Variants in NELL1 observed in about 807,000 individuals in gnomAD.
NELL1 encodes neural EGFL like 1.
Under a neutral mutation model 107.4 loss-of-function variants are expected in NELL1, and 76 were observed. That is an observed-to-expected ratio of 0.71 (90% CI 0.59 to 0.86). The LOEUF (loss-of-function observed/expected upper bound fraction) is 0.86, where lower values mean the gene tolerates loss of function less well. Ranked by LOEUF, NELL1 falls within the 40% of genes least tolerant of loss-of-function variation. NELL1 has a pLI of 0.00. For missense variants in NELL1, 1,024 were observed against 1,005.5 expected (o/e 1.02, Z -0.25); for synonymous variants, 353 against 341.2 (o/e 1.03, Z -0.38).
At chr11:20,719,507 T>A (rs1389601443) in intron 2 of NELL1, among the ~76,000 whole-genome samples, 2 of 151,956 alleles carry the variant, frequency 1.3e-5, no homozygotes, top group African/African-American at 2.4e-5. Flanking sequence ...CTAGAAAAAA[T>A]TTGTGATTTA....
At chr11:20,951,622 A>C (rs974704861) in intron 11 of NELL1, among the ~76,000 whole-genome samples, 1 of 152,188 alleles carries the variant, frequency 6.6e-6, no homozygotes, top group African/African-American at 2.4e-5. Flanking sequence ...CAGGGGGTTT[A>C]ATCCACAGGG....
chr11:21,187,693 T>A (rs929280115), intron 13 of NELL1, among the ~76,000 whole-genome samples: 2 of 151,840 alleles, frequency 1.3e-5, no homozygotes, highest in African/African-American at 4.9e-5. Flanking sequence ...ATAGACATCC[T>A]GTGTCTGCCC....
intron 15 of NELL1, among the ~76,000 whole-genome samples, chr11:21,466,020 G>A (rs992376369): frequency 7.2e-5 from 11 of 152,070 alleles, no homozygotes; most frequent in Admixed American, 3.3e-4. Context: ...GATGCAAAGC[G>A]CTCTTAGAAT....
intron 5 of NELL1, among the ~76,000 whole-genome samples, chr11:20,892,255 C>T (rs933967847): frequency 6.6e-6 from 1 of 152,128 alleles, no homozygotes; most frequent in African/African-American, 2.4e-5. Context: ...CAATGTGCTC[C>T]TGAATTACTC....
At chr11:21,150,180 C>T (rs1856082446) in intron 13 of NELL1, among the ~76,000 whole-genome samples, 1 of 152,124 alleles carries the variant, frequency 6.6e-6, no homozygotes, top group South Asian at 2.1e-4. Flanking sequence ...GTTCCTTGAA[C>T]TGAAAGGAGG....
chr11:21,111,803 A>G (rs1353640973), intron 12 of NELL1, among the ~76,000 whole-genome samples: 2 of 152,114 alleles, frequency 1.3e-5, no homozygotes, highest in African/African-American at 4.8e-5. Flanking sequence ...CAGAGAGTGG[A>G]AAACTGGTAA....
intron 5 of NELL1, among the ~76,000 whole-genome samples, chr11:20,907,481 T>G (rs1443138648): frequency 6.6e-6 from 1 of 151,988 alleles, no homozygotes; most frequent in African/African-American, 2.4e-5. Flanking sequence ...ACTCAACATC[T>G]TTAGTCATTA....
intron 15 of NELL1, among the ~76,000 whole-genome samples, chr11:21,528,082 C>A (rs565348454): frequency 1.2e-4 from 19 of 152,178 alleles, no homozygotes; most frequent in Non-Finnish European, 2.2e-4. Context: ...AATGCACAGT[C>A]CTTTCATTTT....
intron 15 of NELL1, among the ~76,000 whole-genome samples, chr11:21,375,680 T>C (rs1184697416): frequency 6.6e-6 from 1 of 152,114 alleles, no homozygotes; most frequent in Non-Finnish European, 1.5e-5. Context: ...AATGTATAAG[T>C]GTTCCCTTTT....
At chr11:21,480,985 C>A (rs960698369) in intron 15 of NELL1, among the ~76,000 whole-genome samples, 19 of 152,260 alleles carry the variant, frequency 1.2e-4, no homozygotes, top group Admixed American at 1.2e-3. Context: ...AGTCACTTAA[C>A]CGGATTACTA....
intron 13 of NELL1, among the ~76,000 whole-genome samples, chr11:21,119,386 G>GAAAA (rs5790163): frequency 2.3e-5 from 3 of 129,140 alleles, no homozygotes; most frequent in African/African-American, 2.9e-5. Flanking sequence ...GCTAAAAATT[G>GAAAA]AAAAAAAAAA....
At chr11:20,997,308 TA>T (rs1214146346) in intron 12 of NELL1, among the ~76,000 whole-genome samples, 1 of 152,142 alleles carries the variant, frequency 6.6e-6, no homozygotes, top group Non-Finnish European at 1.5e-5. Flanking sequence ...TTAGGCATCA[TA>T]AAAAAGCTAA....
chr11:21,061,328 G>A (rs1590597635), intron 12 of NELL1, among the ~76,000 whole-genome samples: 1 of 152,150 alleles, frequency 6.6e-6, no homozygotes, highest in Non-Finnish European at 1.5e-5. Context: ...GAATTGACTG[G>A]AGTGGAGTGA....
At chr11:21,263,746 C>T (rs553843187) in intron 14 of NELL1, among the ~76,000 whole-genome samples, 1 of 151,972 alleles carries the variant, frequency 6.6e-6, no homozygotes, top group African/African-American at 2.4e-5. Context: ...TCCCATGGTG[C>T]AAAACAAATT....
In NELL1 at chr11:21,462,969, C is replaced by T. The variant is rs74974722; in HGVS notation, c.1646-71405C>T. 0.018 allele frequency among the ~76,000 whole-genome samples: 2,700 copies of T among 151,912 alleles called. 201 individuals carry two copies. In the East Asian group the frequency reaches 0.22, roughly 13 times the overall value. On this transcript the variant is annotated intron_variant, in intron 15 of 19. Transcript: ENST00000357134. ...GGACTTGTCAAGGCAAAAGGAACAC[C>T]AAGAAAAAAATGTGGCCAGGAAAGC... is the stretch of plus-strand genomic sequence containing the variant.
At chr11:21,354,791 A>G (rs1450634740) in intron 14 of NELL1, among the ~76,000 whole-genome samples, 2 of 152,200 alleles carry the variant, frequency 1.3e-5, no homozygotes, top group Non-Finnish European at 2.9e-5. Flanking sequence ...ATGTAATTCC[A>G]TGCAGTTATA....
intron 16 of NELL1, among the ~76,000 whole-genome samples, chr11:21,557,006 A>G (rs543552054): frequency 9.2e-5 from 14 of 151,992 alleles, no homozygotes; most frequent in Non-Finnish European, 1.5e-4. Context: ...GCAGAGAACA[A>G]CAGTTGCAAT....
intron 14 of NELL1, among the ~76,000 whole-genome samples, chr11:21,294,785 A>G (rs985046205): frequency 6.6e-6 from 1 of 152,064 alleles, no homozygotes; most frequent in Non-Finnish European, 1.5e-5. Flanking sequence ...GTGTTTGTAC[A>G]TTGTGAATTT....
intron 2 of NELL1, among the ~76,000 whole-genome samples, chr11:20,729,386 G>T (rs1367553590): frequency 6.6e-6 from 1 of 152,102 alleles, no homozygotes; most frequent in African/African-American, 2.4e-5. Context: ...TCTTGTGACA[G>T]TTCTCAAGGG....
Sources: gnomAD v4.1 joint callset for allele counts (sites outside exome capture counted in the v4.1 genomes callset) on GRCh38, gnomAD v4.1.1 for gene constraint, MANE v1.5 for transcripts, NCBI Gene and HGNC (gene_info 2026-07-23, HGNC 2026-07-21) for gene names.